STX1B: variants seen among roughly 807,000 people sequenced by gnomAD.
STX1B encodes syntaxin-1B.
Under a neutral mutation model 39.4 loss-of-function variants are expected in STX1B, and 7 were observed. The ratio of observed to expected loss-of-function variants is 0.18; its 90% confidence interval spans 0.10 to 0.33. The LOEUF (loss-of-function observed/expected upper bound fraction) is 0.33, where lower values mean the gene tolerates loss of function less well. Among genes scored for constraint, STX1B ranks in the 10% least tolerant of loss-of-function variants. The pLI, the probability that STX1B is intolerant of heterozygous loss-of-function variation, is 1.00. For missense variants in STX1B, 198 were observed against 383.2 expected (o/e 0.52, Z 4.04); for synonymous variants, 136 against 144.1 (o/e 0.94, Z 0.40).
intron 4 of STX1B, 44 bp downstream of exon 4, chr16:31,000,884 C>G (rs1408995169): frequency 6.2e-7 from 1 of 1,606,348 alleles, no homozygotes. Flanking sequence ...CCATGCTCCA[C>G]CCACAATTCT....
At chr16:30,998,738 C>T (rs955617143) in intron 4 of STX1B, among the ~76,000 whole-genome samples, 5 of 152,218 alleles carry the variant, frequency 3.3e-5, no homozygotes, top group African/African-American at 7.2e-5. Context: ...CTCTAAACCA[C>T]GGCCACTTTT....
intron 1 of STX1B, among the ~76,000 whole-genome samples, chr16:31,003,397 C>T (rs1286949919): frequency 2.6e-5 from 4 of 152,192 alleles, no homozygotes; most frequent in African/African-American, 7.2e-5. Context: ...GAGGACCCAT[C>T]GGCCTACCAT....
chr16:31,009,483 C>A (rs1339984506), intron 1 of STX1B, among the ~76,000 whole-genome samples: 1 of 151,976 alleles, frequency 6.6e-6, no homozygotes, highest in Non-Finnish European at 1.5e-5. Flanking sequence ...GCTGCCTCCT[C>A]GGGCCCCAGG....
At chr16:31,008,725 T>C (rs2056666553) in intron 1 of STX1B, among the ~76,000 whole-genome samples, 1 of 152,156 alleles carries the variant, frequency 6.6e-6, no homozygotes. Context: ...GGAGGGGAAT[T>C]GACAGCACCG....
rs770426446 is a variant in STX1B, at chr16:31,000,998, G to T, written c.210C>A (p.Thr70=). The stretch of plus-strand genomic sequence containing the variant: ...CAGTGAGATCCTCCAGCTCCTGTTT[G>T]GTCTCTGAGGGGAGGGCGAGGGCAA... The part of the protein sequence containing the change: ...ILAAPNPDEK[T]KQELEDLTAD... The change falls in exon 4 of 10, where the codon ACC becomes ACA. Residue 70 remains threonine, a synonymous_variant. Coordinates refer to ENST00000215095, the MANE Select transcript of STX1B (RefSeq NM_052874.5). 1.9e-6 allele frequency: 3 copies of T among 1,614,146 alleles called. No individual in the cohort carries two copies. Among genetic ancestry groups the T allele is most frequent in the Non-Finnish European group, 2.5e-6 (3 of 1,180,014 alleles).
chr16:30,999,061 C>A (rs2056610473), intron 4 of STX1B, among the ~76,000 whole-genome samples: 1 of 152,138 alleles, frequency 6.6e-6, no homozygotes, highest in Non-Finnish European at 1.5e-5. Flanking sequence ...CACCCCCCAC[C>A]CCCAAAACAA....
In STX1B at chr16:30,997,526, C is replaced by T; in HGVS notation, c.330G>A (p.Ala110=). 1.2e-6 allele frequency: 2 copies of T among 1,609,608 alleles called. No individual in the cohort carries two copies. The highest frequency in any genetic ancestry group is 8.5e-7 in the Non-Finnish European group (1 of 1,178,526). ...EQEEGLNRSS[A]DLRIRKTQHS... ...CCTGGGTCTTGCGGATGCGCAGGTC[C>T]GCGGAGGAACGGTTCAGCCCCTCCT... The change falls in exon 5 of 10, where the codon GCG becomes GCA. Residue 110 remains alanine, a synonymous_variant. Transcript: ENST00000215095.
chr16:31,005,572 C>T (rs564339811), intron 1 of STX1B, among the ~76,000 whole-genome samples: 10 of 146,900 alleles, frequency 6.8e-5, no homozygotes, highest in African/African-American at 2.3e-4. Context: ...CCTCCCAAAG[C>T]GCTGGGATGA....
chr16:31,010,336 G>GC (rs750960972), intron 1 of STX1B, 31 bp downstream of exon 1: 13 of 314,418 alleles, frequency 4.1e-5, no homozygotes, highest in Admixed American at 9.4e-5. Context: ...TTGGGGTCCC[G>GC]CCCCCCCATT....
intron 1 of STX1B, among the ~76,000 whole-genome samples, chr16:31,009,131 G>A (rs946469536): frequency 1.3e-5 from 2 of 152,066 alleles, no homozygotes; most frequent in South Asian, 2.1e-4. Flanking sequence ...CCTTCTTCTC[G>A]TCTGTCTGTA....
chr16:31,005,676 G>A (rs780912527), intron 1 of STX1B, among the ~76,000 whole-genome samples: 45 of 152,126 alleles, frequency 3.0e-4, no homozygotes, highest in Non-Finnish European at 4.3e-4. Flanking sequence ...GACAGATGAG[G>A]AGGTGGAGGC....
chr16:30,999,435 C>G (rs1220961767), intron 4 of STX1B, among the ~76,000 whole-genome samples: 1 of 152,208 alleles, frequency 6.6e-6, no homozygotes, highest in East Asian at 1.9e-4. Context: ...CATATGTTTT[C>G]TGATACTGAC....
At chr16:30,997,120 CAG>C (rs1876962356) in intron 5 of STX1B, 61 bp from the exon 6 acceptor site, 1 of 1,211,072 alleles carries the variant, frequency 8.3e-7, no homozygotes, top group Admixed American at 1.8e-5. Flanking sequence ...GGGAGGGAGT[CAG>C]GGAGCAGAGA....
intron 4 of STX1B, among the ~76,000 whole-genome samples, chr16:30,998,447 C>T (rs934100992): frequency 6.6e-6 from 1 of 152,226 alleles, no homozygotes; most frequent in Non-Finnish European, 1.5e-5. Flanking sequence ...CAACACATGG[C>T]CCAGGGATAT....
intron 1 of STX1B, among the ~76,000 whole-genome samples, chr16:31,006,187 G>A (rs576439332): frequency 1.5e-4 from 23 of 152,304 alleles, no homozygotes; most frequent in African/African-American, 5.3e-4. Context: ...CCTCAGGGGT[G>A]CAAGCATCAT....
intron 7 of STX1B, chr16:30,996,430 T>G: frequency 7.1e-6 from 3 of 423,388 alleles, no homozygotes; most frequent in Admixed American, 4.0e-5. Flanking sequence ...TCGAAGGGGA[T>G]GTGTGAGTAT....
chr16:30,993,584 T>A, intron 7 of STX1B, 100 bp from the exon 8 acceptor site: 1 of 1,411,986 alleles, frequency 7.1e-7, no homozygotes, highest in Non-Finnish European at 9.8e-7. Context: ...ATTTACTAGC[T>A]GAAACCTTAG....
In STX1B at chr16:30,992,738, G is replaced by A. The variant is rs2056568685; in HGVS notation, c.*83C>T. 4.7e-6 allele frequency: 4 copies of A among 842,216 alleles called. No individual in the cohort carries two copies. The highest frequency in any genetic ancestry group is 7.8e-6 in the Non-Finnish European group (4 of 511,474). 52.2% of individuals were successfully genotyped at this position (842,216 alleles called of 1,614,324 possible). A position where few individuals can be genotyped will look rare whatever the true frequency, so the allele number is the denominator to read the frequency against. ...CTGTTTTGGGAGTGAGCCTGGAGCA[G>A]GGGATGGAGTGAAAGGGGTGGTGGG... On this transcript the variant is annotated 3_prime_UTR_variant, in exon 10 of 10. Transcript: ENST00000215095.
intron 8 of STX1B, 39 bp downstream of exon 8, chr16:30,993,308 G>A (rs1364022980): frequency 3.7e-6 from 6 of 1,613,488 alleles, no homozygotes; most frequent in Non-Finnish European, 4.2e-6. Context: ...CTCAGGCCCA[G>A]GGAGGCTCCC....
Sources: allele counts gnomAD v4.1 joint callset (sites outside exome capture counted in the v4.1 genomes callset), GRCh38; gene constraint gnomAD v4.1.1; transcripts MANE v1.5; gene names NCBI Gene and HGNC (gene_info 2026-07-23, HGNC 2026-07-21).